Variants in KDM6A observed in about 807,000 individuals in gnomAD.
KDM6A encodes lysine-specific demethylase 6A.
A neutral mutation model predicts 117.6 loss-of-function variants in KDM6A; 11 were observed. That is an observed-to-expected ratio of 0.09 (90% CI 0.06 to 0.15). The LOEUF (loss-of-function observed/expected upper bound fraction) is 0.15, where lower values mean the gene tolerates loss of function less well. KDM6A is among the 10% of genes least tolerant of loss of function. The pLI, the probability that KDM6A is intolerant of heterozygous loss-of-function variation, is 1.00. For missense variants in KDM6A, 799 were observed against 1,077.3 expected, an observed-to-expected ratio of 0.74 and a Z score of 3.62; for synonymous variants, 384 against 396.1, an observed-to-expected ratio of 0.97 and a Z score of 0.36.
intron 2 of KDM6A, among the ~76,000 whole-genome samples, chrX:44,895,194 C>T (rs951170579): frequency 9.2e-6 from 1 of 109,214 alleles, no homozygotes; most frequent in African/African-American, 3.3e-5. Context: ...CAAACTCCGC[C>T]TCCTGGGTTT....
intron 4 of KDM6A, among the ~76,000 whole-genome samples, chrX:44,985,457 G>A (rs927074514): frequency 9.0e-6 from 1 of 111,607 alleles, no homozygotes; most frequent in Non-Finnish European, 1.9e-5. Context: ...TTGAATAGGA[G>A]TGATGAGAGA....
At position 45,069,780 on chromosome X, in the gene KDM6A, C is replaced by G. The variant is rs2148040276; in HGVS notation, c.2281C>G (p.Gln761Glu). The G allele has an allele frequency of 8.3e-7, 1 of 1,210,457 alleles. No homozygotes were observed. Among genetic ancestry groups the G allele is most frequent in the South Asian group, 1.8e-5 (1 of 56,889 alleles). The part of the protein sequence containing the change: ...LSSHTATSGG[Q>E]QGITLTKESK... Reference sequence around the variant, plus strand: ...CTCTCACACTGCTACCTCAGGTGGACAACAAGGCATTACCTTAACCAAAGA... The same window carrying G: ...CTCTCACACTGCTACCTCAGGTGGAGAACAAGGCATTACCTTAACCAAAGA... The change falls in exon 18 of 30, where the codon CAA becomes GAA. Residue 761 changes from glutamine (Q) to glutamate (E), a missense_variant. Transcript: ENST00000611820.
At chrX:45,053,639 C>G (rs1449413516) in intron 9 of KDM6A, among the ~76,000 whole-genome samples, 190 bp from the exon 10 acceptor site, 1 of 111,653 alleles carries the variant, frequency 9.0e-6, no homozygotes. Context: ...TTTACAGTAC[C>G]TTACTGTGAG....
At chrX:45,019,915 A>G (rs2042105653) in intron 5 of KDM6A, among the ~76,000 whole-genome samples, 1 of 111,836 alleles carries the variant, frequency 8.9e-6, no homozygotes, top group African/African-American at 3.2e-5. Flanking sequence ...ACCTTTTATA[A>G]AAGATACAAT....
At chrX:44,921,373 T>C (rs1400145297) in intron 2 of KDM6A, among the ~76,000 whole-genome samples, 1 of 111,753 alleles carries the variant, frequency 8.9e-6, no homozygotes, top group Non-Finnish European at 1.9e-5. Context: ...ACCAGGTATG[T>C]ATGTACTTAT....
intron 2 of KDM6A, among the ~76,000 whole-genome samples, chrX:44,959,492 AC>A (rs1313553050): frequency 2.7e-5 from 3 of 110,349 alleles, no homozygotes; most frequent in Non-Finnish European, 5.7e-5. Context: ...TACCATGAAA[AC>A]ATAGTTGCTT....
At chrX:44,887,510 G>C (rs763322090) in intron 2 of KDM6A, among the ~76,000 whole-genome samples, 2 of 111,085 alleles carry the variant, frequency 1.8e-5, no homozygotes, top group African/African-American at 6.5e-5. Flanking sequence ...GACTAAAATG[G>C]CATGGATTTT....
intron 2 of KDM6A, among the ~76,000 whole-genome samples, chrX:44,933,260 A>ATTTT (rs56098621): frequency 1.5e-3 from 55 of 36,533 alleles, no homozygotes; most frequent in African/African-American, 3.2e-3. Context: ...GTTTATGTTG[A>ATTTT]TTTTTTTTTT....
intron 4 of KDM6A, among the ~76,000 whole-genome samples, chrX:44,998,388 ACTAT>A (rs1250316135): frequency 8.9e-6 from 1 of 111,963 alleles, no homozygotes; most frequent in East Asian, 2.8e-4. Flanking sequence ...GATTGTTACC[ACTAT>A]CTAAAATCTG....
intron 2 of KDM6A, among the ~76,000 whole-genome samples, chrX:44,952,185 A>G (rs1209420466): frequency 9.0e-6 from 1 of 111,384 alleles, no homozygotes; most frequent in Admixed American, 9.5e-5. Context: ...TTAGCATTCA[A>G]CACATCCCAT....
intron 2 of KDM6A, among the ~76,000 whole-genome samples, chrX:44,911,618 A>G (rs1047590663): frequency 1.1e-4 from 12 of 112,146 alleles, no homozygotes; most frequent in African/African-American, 3.6e-4. Context: ...CACTTCCCAG[A>G]TGGGGTGGCG....
At chrX:44,985,367 T>G (rs189410675) in intron 4 of KDM6A, among the ~76,000 whole-genome samples, 16 of 111,708 alleles carry the variant, frequency 1.4e-4, no homozygotes, top group Middle Eastern at 4.6e-3. Context: ...GGGACAATTT[T>G]ACTTCCTCTT....
At chrX:44,987,063 T>A (rs1042408465) in intron 4 of KDM6A, among the ~76,000 whole-genome samples, 2 of 111,539 alleles carry the variant, frequency 1.8e-5, no homozygotes, top group African/African-American at 6.5e-5. Flanking sequence ...TTTGTAGGTC[T>A]CTAAGGACTT....
intron 2 of KDM6A, among the ~76,000 whole-genome samples, chrX:44,932,421 C>G (rs1047768616): frequency 9.1e-6 from 1 of 110,311 alleles, no homozygotes; most frequent in Non-Finnish European, 1.9e-5. Flanking sequence ...ATCTACGTAG[C>G]CTTTTGCTAT....
At chrX:45,040,833 ACCTC>A (rs2043118582) in intron 8 of KDM6A, among the ~76,000 whole-genome samples, 1 of 42,359 alleles carries the variant, frequency 2.4e-5, no homozygotes, top group African/African-American at 9.1e-5. Context: ...TGATCCCCCC[ACCTC>A]CCTCCCGGAC....
At chrX:45,041,418 C>T (rs1417339653) in intron 8 of KDM6A, among the ~76,000 whole-genome samples, 11 of 100,711 alleles carry the variant, frequency 1.1e-4, no homozygotes, top group Non-Finnish European at 2.0e-4. Context: ...GGCAGCTGGC[C>T]GGGCGGGGAC....
At position 45,060,046 on chromosome X, in the gene KDM6A, G is replaced by A. The variant is rs1016586399; in HGVS notation, c.1219G>A (p.Gly407Ser). Residue 407 changes from glycine (G) to serine (S), a missense_variant, in exon 13 of 30, where the codon GGT becomes AGT. By Grantham distance (56) the Gly-to-Ser change is moderately conservative. Coordinates refer to ENST00000611820, the MANE Select transcript of KDM6A (RefSeq NM_001291415.2). The stretch of plus-strand genomic sequence containing the variant: ...GGCTCAGTTGTGTAACCTTCCACAA[G>A]GTAGTCTACAGAATAAAACTAAATT... ...LQAQLCNLPQ[G>S]SLQNKTKLLP... The A allele has an allele frequency of 3.3e-6, 4 of 1,207,411 alleles. No homozygotes were observed. The African/African-American group carries it at 7.0e-5, about 21-fold the overall frequency.
intron 2 of KDM6A, among the ~76,000 whole-genome samples, chrX:44,958,204 C>A (rs1337799264): frequency 2.0e-5 from 2 of 98,739 alleles, no homozygotes; most frequent in African/African-American, 7.9e-5. Flanking sequence ...TTTTTTGAGG[C>A]TGAGTCTAGC....
At chrX:44,955,270 A>C (rs1937309297) in intron 2 of KDM6A, among the ~76,000 whole-genome samples, 1 of 110,969 alleles carries the variant, frequency 9.0e-6, no homozygotes, top group South Asian at 3.8e-4. Context: ...GTAAGGTAGA[A>C]CCAAGGAAGA....
Sources: gnomAD v4.1 joint callset for allele counts (sites outside exome capture counted in the v4.1 genomes callset) on GRCh38, gnomAD v4.1.1 for gene constraint, MANE v1.5 for transcripts, NCBI Gene and HGNC (gene_info 2026-07-23, HGNC 2026-07-21) for gene names.